Variants in CCSER1 observed in about 807,000 individuals in gnomAD.
CCSER1 encodes the protein serine-rich coiled-coil domain-containing protein 1.
In CCSER1, 41 loss-of-function variants were observed where a neutral mutation model predicts 82.0. The ratio of observed to expected loss-of-function variants is 0.50; its 90% CI spans 0.39 to 0.65. The LOEUF (loss-of-function observed/expected upper bound fraction) is 0.65, where lower values mean the gene tolerates loss of function less well. CCSER1 is among the 30% of genes least tolerant of loss of function. The pLI is 0.00. For missense variants in CCSER1, 1,119 were observed against 1,064.2 expected, an observed-to-expected ratio of 1.05 and a Z score of -0.72; for synonymous variants, 414 against 383.9, an observed-to-expected ratio of 1.08 and a Z score of -0.92.
intron 10 of CCSER1, among the ~76,000 whole-genome samples, chr4:91,337,228 T>C (rs183513122): frequency 1.1e-4 from 16 of 152,258 alleles, no homozygotes; most frequent in Admixed American, 9.2e-4. Context: ...TTATTTGAAC[T>C]GAATGCAGGT....
At chr4:90,858,980 A>G (rs2149974424) in intron 8 of CCSER1, among the ~76,000 whole-genome samples, 1 of 152,036 alleles carries the variant, frequency 6.6e-6, no homozygotes, top group East Asian at 1.9e-4. Context: ...TTTGCAGTGC[A>G]TTTATGATTT....
intron 9 of CCSER1, among the ~76,000 whole-genome samples, chr4:90,997,354 T>C (rs1393480983): frequency 6.6e-6 from 1 of 152,200 alleles, no homozygotes; most frequent in Non-Finnish European, 1.5e-5. Context: ...CCTCTGACTC[T>C]GACTGTCCTG....
chr4:90,574,716 AAAT>A (rs1226568283), intron 5 of CCSER1, among the ~76,000 whole-genome samples: 4 of 151,742 alleles, frequency 2.6e-5, no homozygotes, highest in South Asian at 2.1e-4. Flanking sequence ...TTCAAATTAT[AAAT>A]AATAATAATA....
intron 3 of CCSER1, among the ~76,000 whole-genome samples, chr4:90,350,206 GA>G (rs888249336): frequency 6.6e-6 from 1 of 152,070 alleles, no homozygotes; most frequent in Non-Finnish European, 1.5e-5. Flanking sequence ...AACTCTTATA[GA>G]GAAGACGAAT....
intron 1 of CCSER1, among the ~76,000 whole-genome samples, chr4:90,274,552 A>G (rs1283252763): frequency 2.0e-5 from 3 of 152,130 alleles, no homozygotes; most frequent in South Asian, 2.1e-4. Context: ...TTAGAATTTA[A>G]AACTAGAATT....
chr4:91,541,771 T>A (rs2110197897), intron 10 of CCSER1, among the ~76,000 whole-genome samples: 1 of 152,288 alleles, frequency 6.6e-6, no homozygotes, highest in Middle Eastern at 3.4e-3. Flanking sequence ...TCAAATGGTA[T>A]TTCTAGTTCT....
At chr4:90,435,949 A>T (rs1315951677) in intron 4 of CCSER1, among the ~76,000 whole-genome samples, 3 of 152,044 alleles carry the variant, frequency 2.0e-5, no homozygotes, top group African/African-American at 7.2e-5. Flanking sequence ...GGCTATTTTA[A>T]TTTTTACCTT....
At chr4:90,786,022 T>G (rs896242630) in intron 7 of CCSER1, among the ~76,000 whole-genome samples, 2 of 152,196 alleles carry the variant, frequency 1.3e-5, no homozygotes, top group African/African-American at 4.8e-5. Context: ...TAAAACAAAT[T>G]TCTGGCCTGG....
intron 9 of CCSER1, among the ~76,000 whole-genome samples, chr4:91,045,381 T>C (rs987107740): frequency 3.9e-5 from 6 of 152,204 alleles, no homozygotes; most frequent in Admixed American, 2.0e-4. Context: ...TTAGAAAAGA[T>C]TTGGCATATT....
At chr4:91,442,238 T>C (rs2149407259) in intron 10 of CCSER1, among the ~76,000 whole-genome samples, 1 of 151,842 alleles carries the variant, frequency 6.6e-6, no homozygotes, top group Non-Finnish European at 1.5e-5. Flanking sequence ...AAGGCTACGG[T>C]AACCAAAACA....
intron 10 of CCSER1, among the ~76,000 whole-genome samples, chr4:91,490,810 C>T (rs1164418902): frequency 3.2e-5 from 4 of 126,050 alleles, no homozygotes; most frequent in Non-Finnish European, 1.6e-5. Context: ...GTAATAGATA[C>T]CCCATTTACC....
chr4:91,595,789 A>T (rs1764538131), intron 10 of CCSER1, among the ~76,000 whole-genome samples: 1 of 151,968 alleles, frequency 6.6e-6, no homozygotes, highest in African/African-American at 2.4e-5. Flanking sequence ...TGATGTATGC[A>T]GCACCTTGTC....
chr4:90,572,569 G>A (rs1386621658), intron 5 of CCSER1, among the ~76,000 whole-genome samples: 2 of 149,506 alleles, frequency 1.3e-5, no homozygotes, highest in Non-Finnish European at 2.9e-5. Context: ...ATCTTTGAGC[G>A]CACGTTATTA....
At chr4:90,504,787 T>C (rs190189142) in intron 5 of CCSER1, among the ~76,000 whole-genome samples, 239 of 152,268 alleles carry the variant, frequency 1.6e-3, no homozygotes, top group African/African-American at 5.5e-3. Context: ...GGGAAAACCA[T>C]GATGTCCTTA....
At chr4:91,365,203 A>G (rs915129522) in intron 10 of CCSER1, among the ~76,000 whole-genome samples, 1 of 152,182 alleles carries the variant, frequency 6.6e-6, no homozygotes, top group African/African-American at 2.4e-5. Context: ...CAGTGTAGAA[A>G]TATTATTGTG....
rs564197936 is a variant in CCSER1, at chr4:91,031,659, T to C, written c.2173-54291T>C. ...AGTCTTTTAGGCCACTTCTCTCTTA[T>C]GGATAATTTCAGCACTATTTTTTTC... On this transcript the variant is annotated intron_variant, in intron 9 of 10. Coordinates refer to ENST00000509176, the MANE Select transcript of CCSER1 (RefSeq NM_001145065.2). 1.5e-4 allele frequency among the ~76,000 whole-genome samples: 23 copies of C among 152,260 alleles called. 1 individual carries two copies. In the South Asian group the frequency reaches 4.3e-3, roughly 29 times the overall value.
chr4:90,628,046 A>G lies in CCSER1; in HGVS notation c.1746A>G (p.Thr582=). The G allele has an allele frequency of 6.2e-7, 1 of 1,613,558 alleles. No individual in the cohort carries two copies. Among genetic ancestry groups the G allele is most frequent in the Non-Finnish European group, 8.5e-7 (1 of 1,179,630 alleles). The part of the protein sequence containing the change: ...PSKQNLSLKL[T]KDVDQEARCS... Reference sequence around the variant, plus strand: ...TTAGGAATCTTTCCCTGAAATTAACAAAGGACGTTGATCAAGAAGCCAGGT... The same window carrying G: ...TTAGGAATCTTTCCCTGAAATTAACGAAGGACGTTGATCAAGAAGCCAGGT... Residue 582 remains threonine, a synonymous_variant, in exon 6 of 11, where the codon ACA becomes ACG. Coordinates refer to ENST00000509176, the MANE Select transcript of CCSER1 (RefSeq NM_001145065.2).
chr4:91,566,806 CCTAT>C (rs1238788047), intron 10 of CCSER1, among the ~76,000 whole-genome samples: 5 of 151,644 alleles, frequency 3.3e-5, no homozygotes, highest in Admixed American at 6.6e-5. Flanking sequence ...TAGCTAGTAA[CCTAT>C]CTATTTTATT....
intron 3 of CCSER1, among the ~76,000 whole-genome samples, chr4:90,372,621 G>A (rs1356639050): frequency 6.6e-6 from 1 of 152,038 alleles, no homozygotes; most frequent in Non-Finnish European, 1.5e-5. Context: ...CTGGTGGCAG[G>A]CACCTGTAAT....
Sources: allele counts gnomAD v4.1 joint callset (sites outside exome capture counted in the v4.1 genomes callset), GRCh38; gene constraint gnomAD v4.1.1; transcripts MANE v1.5; gene names NCBI Gene and HGNC (gene_info 2026-07-23, HGNC 2026-07-21).